Variants in SFI1 observed in about 807,000 individuals in gnomAD.
SFI1 encodes the protein SFI1 centrin binding protein.
Under a neutral mutation model 207.5 loss-of-function variants are expected in SFI1, and 195 were observed. The observed-to-expected ratio is 0.94, with a 90% CI of 0.84 to 1.06. SFI1 has a LOEUF of 1.06. Among genes scored for constraint, SFI1 ranks in the 50% least tolerant of loss-of-function variants. SFI1 has a pLI of 0.00. For missense variants in SFI1, 1,634 were observed against 1,588.0 expected (o/e 1.03, Z -0.49); for synonymous variants, 630 against 598.9 (o/e 1.05, Z -0.76).
intron 14 of SFI1, chr22:31,587,823 A>C (rs1354954428): frequency 6.6e-6 from 1 of 152,214 alleles, no homozygotes; most frequent in African/African-American, 2.4e-5. Flanking sequence ...AAAAATAGAA[A>C]AGCAATGTGT....
chr22:31,548,656 A>AAC (rs2060332681), intron 5 of SFI1, among the ~76,000 whole-genome samples: 1 of 151,434 alleles, frequency 6.6e-6, no homozygotes, highest in African/African-American at 2.4e-5. Flanking sequence ...AAAAAAAAAA[A>AAC]AAATTAGCTG....
intron 22 of SFI1, among the ~76,000 whole-genome samples, chr22:31,609,241 G>A (rs768676692): frequency 7.9e-5 from 12 of 152,016 alleles, no homozygotes; most frequent in African/African-American, 2.2e-4. Context: ...CTCGTGATCC[G>A]TCCGTCTCGG....
chr22:31,598,716 C>CCTTTTTTTT (rs2067572351), intron 15 of SFI1, among the ~76,000 whole-genome samples: 1 of 26,882 alleles, frequency 3.7e-5, no homozygotes, highest in Non-Finnish European at 6.8e-5. Context: ...TGCGCCTGGC[C>CCTTTTTTTT]TTTTTTTTTT....
In SFI1 at chr22:31,550,514, C is replaced by T. The variant is rs578119183; in HGVS notation, c.544+166C>T. 3 of 588,786 alleles carry T rather than the reference C, an allele frequency of 5.1e-6. No individual in the cohort carries two copies. The African/African-American group carries it at 5.6e-5, about 11-fold the overall frequency. 36.5% of individuals were successfully genotyped at this position (588,786 alleles called of 1,614,324 possible). A position where few individuals can be genotyped will look rare whatever the true frequency, so the allele number is the denominator to read the frequency against. On this transcript the variant is annotated intron_variant, in intron 6 of 32. Transcript: ENST00000400288. ...AGAAAGTGTGATCTCTGAGTGGGCA[C>T]CTGTATGATTGATCCCTATGGTTTT...
chr22:31,580,467 T>A (rs28668581), intron 12 of SFI1, 103 bp downstream of exon 12: 1 of 790,520 alleles, frequency 1.3e-6, no homozygotes, highest in Non-Finnish European at 1.9e-6. Flanking sequence ...TTAAAAAAAC[T>A]TTTTGTGCTT....
intron 15 of SFI1, among the ~76,000 whole-genome samples, chr22:31,599,892 T>G (rs1728132877): frequency 6.6e-6 from 1 of 152,000 alleles, no homozygotes; most frequent in South Asian, 2.1e-4. Flanking sequence ...TTTTTTTTTT[T>G]TTAAGAAATA....
chr22:31,612,032 A>G lies in SFI1; in HGVS notation c.2490+192A>G. 4 of 1,385,210 alleles carry G rather than the reference A, an allele frequency of 2.9e-6. No individual in the cohort carries two copies. The South Asian group carries it at 6.1e-5, about 21-fold the overall frequency. 85.8% of individuals were successfully genotyped at this position (1,385,210 alleles called of 1,614,324 possible). A position where few individuals can be genotyped will look rare whatever the true frequency, so the allele number is the denominator to read the frequency against. Reference sequence around the variant, plus strand: ...GCTTCCTTCCGTCTGCAGTCTGCATAAGAACAGTTACTTCAAGGCCAGTTT... The same window carrying G: ...GCTTCCTTCCGTCTGCAGTCTGCATGAGAACAGTTACTTCAAGGCCAGTTT... On this transcript the variant is annotated intron_variant, in intron 24 of 32. Transcript: ENST00000400288.
At chr22:31,590,117 T>G (rs907690947) in intron 15 of SFI1, among the ~76,000 whole-genome samples, 6 of 151,320 alleles carry the variant, frequency 4.0e-5, no homozygotes, top group African/African-American at 1.5e-4. Flanking sequence ...AGATTCTTTC[T>G]CCTTTTGTTC....
At chr22:31,594,000 G>GGGGC (rs1569421832) in intron 15 of SFI1, among the ~76,000 whole-genome samples, 1,282 of 86,522 alleles carry the variant, frequency 0.015, 13 homozygotes, top group Non-Finnish European at 0.019. Context: ...GGGAGAGGGA[G>GGGGC]AGGGACAGGG....
chr22:31,515,565 TG>T (rs2056374430), intron 2 of SFI1, among the ~76,000 whole-genome samples: 1 of 151,116 alleles, frequency 6.6e-6, no homozygotes, highest in African/African-American at 2.4e-5. Flanking sequence ...TGTGTGTGTG[TG>T]TGTAGACAGG....
intron 2 of SFI1, among the ~76,000 whole-genome samples, chr22:31,509,372 A>G (rs762901992): frequency 6.6e-6 from 1 of 152,214 alleles, no homozygotes; most frequent in Non-Finnish European, 1.5e-5. Flanking sequence ...GCAGCCTTCA[A>G]TCTGTGGCCA....
At chr22:31,563,713 G>A (rs2061967649) in intron 8 of SFI1, among the ~76,000 whole-genome samples, 2 of 152,170 alleles carry the variant, frequency 1.3e-5, no homozygotes, top group Middle Eastern at 6.8e-3. Context: ...AGCCTCCCAA[G>A]TAGCTGGGAT....
intron 6 of SFI1, among the ~76,000 whole-genome samples, chr22:31,555,794 C>T (rs2061104732): frequency 1.3e-5 from 2 of 152,134 alleles, no homozygotes; most frequent in Admixed American, 1.3e-4. Context: ...TCCTGATTAC[C>T]TGAAGTATGC....
At chr22:31,508,060 A>G (rs2054909010) in intron 1 of SFI1, among the ~76,000 whole-genome samples, 195 bp from the exon 2 acceptor site, 1 of 152,090 alleles carries the variant, frequency 6.6e-6, no homozygotes, top group Non-Finnish European at 1.5e-5. Flanking sequence ...TGGGTGAAAG[A>G]GCAAGACTTC....
Position 31,603,752 on chromosome 22 carries a change from G to T in SFI1, c.1814G>T (p.Gly605Val), listed in dbSNP as rs755524859. 15 of 1,539,152 alleles carry T rather than the reference G, an allele frequency of 9.7e-6. No individual in the cohort carries two copies. Among genetic ancestry groups the T allele is most frequent in the Non-Finnish European group, 1.3e-5 (15 of 1,156,178 alleles). The change falls in exon 18 of 33, where the codon GGC becomes GTC. Residue 605 changes from glycine (G) to valine (V), a missense_variant. Transcript: ENST00000400288. ...CTGCCATCTCCCCACAGGAGGACGG[G>T]CAGGGTGCGGGCAGCAGAATTCCAC... ...SAQGLRTERT[G>V]RVRAAEFHMA...
At chr22:31,595,810 G>C (rs973111148) in intron 15 of SFI1, among the ~76,000 whole-genome samples, 7 of 152,176 alleles carry the variant, frequency 4.6e-5, no homozygotes, top group Admixed American at 6.5e-5. Context: ...TGACCCTATA[G>C]ATAGATATTC....
intron 8 of SFI1, among the ~76,000 whole-genome samples, chr22:31,568,202 GTGTGTGTGTA>G (rs1266470328): frequency 3.0e-4 from 42 of 140,166 alleles, no homozygotes; most frequent in East Asian, 1.7e-3. Flanking sequence ...TGTTGTGTGT[GTGTGTGTGTA>G]TATATATATA....
At chr22:31,502,008 T>C (rs1313792074) in intron 1 of SFI1, among the ~76,000 whole-genome samples, 1 of 151,918 alleles carries the variant, frequency 6.6e-6, no homozygotes, top group Non-Finnish European at 1.5e-5. Context: ...CAGGGTGGCA[T>C]CCCCCCTTGT....
chr22:31,605,744 AGG>A (rs1423330588), intron 20 of SFI1: 1 of 152,632 alleles, frequency 6.6e-6, no homozygotes, highest in Non-Finnish European at 1.5e-5. Context: ...GGTACTTGGG[AGG>A]CTTAGGTGGG....
Sources: allele counts gnomAD v4.1 joint callset (sites outside exome capture counted in the v4.1 genomes callset), GRCh38; gene constraint gnomAD v4.1.1; transcripts MANE v1.5; gene names NCBI Gene and HGNC (gene_info 2026-07-23, HGNC 2026-07-21).